PNLIP: variants seen among roughly 807,000 people sequenced by gnomAD.
PNLIP encodes the protein pancreatic lipase, also known as pancreatic triacylglycerol lipase.
A neutral mutation model predicts 57.1 loss-of-function variants in PNLIP; 49 were observed. The ratio of observed to expected loss-of-function variants is 0.86; its 90% confidence interval spans 0.68 to 1.09. PNLIP has a LOEUF of 1.09. PNLIP is among the 50% of genes least tolerant of loss of function. PNLIP has a pLI of 0.00. For synonymous variants in PNLIP, 209 were observed against 200.4 expected (o/e 1.04, Z -0.36); for missense variants, 503 against 570.2 (o/e 0.88, Z 1.20).
In PNLIP at chr10:116,561,389, A is replaced by C. The variant is rs1469694514; in HGVS notation, c.1170-83A>C. ...AACATAAATGTGTATGTATATATGTACACACTTACATACACACAAATATAT... is the reference window on the plus strand; with the variant it reads ...AACATAAATGTGTATGTATATATGTCCACACTTACATACACACAAATATAT... On this transcript the variant is annotated intron_variant, in intron 11 of 12. Transcript: ENST00000369221. 8.0e-6 allele frequency: 8 copies of C among 1,003,804 alleles called. No individual in the cohort carries two copies. The East Asian group carries it at 1.8e-4, about 22-fold the overall frequency. 62.2% of individuals were successfully genotyped at this position (1,003,804 alleles called of 1,614,324 possible).
chr10:116,553,735 C>G lies in PNLIP; in HGVS notation c.468C>G (p.Phe156Leu), dbSNP rs111790567. The G allele has an allele frequency of 1.2e-6, 2 of 1,608,716 alleles. No individual in the cohort carries two copies. The highest frequency in any genetic ancestry group is 4.5e-5 in the East Asian group (2 of 44,816). The change falls in exon 6 of 13, where the codon TTC (phenylalanine) becomes TTG (leucine). Residue 156 changes from phenylalanine (F) to leucine (L), a missense_variant. Physicochemically the swap from Phe to Leu is conservative, Grantham distance 22. Transcript: ENST00000369221. ...AYFVEFLQSAFGYSPSNVHVI... is the reference protein window; with the variant it reads ...AYFVEFLQSALGYSPSNVHVI... ...GGTTTTCTTTCCGACAGTCGGCGTT[C>G]GGTTACTCACCTTCCAATGTGCATG...
chr10:116,548,045 A>G (rs1419449792), intron 3 of PNLIP, among the ~76,000 whole-genome samples: 1 of 152,120 alleles, frequency 6.6e-6, no homozygotes, highest in East Asian at 1.9e-4. Context: ...ATGTATCTCT[A>G]CATAGATAAA....
In PNLIP at chr10:116,561,621, C is replaced by A. The variant is rs1367118676; in HGVS notation, c.1319C>A (p.Thr440Lys). 2 of 1,610,326 alleles carry A rather than the reference C, an allele frequency of 1.2e-6. No individual in the cohort carries two copies. The highest frequency in any genetic ancestry group is 2.2e-5 in the East Asian group (1 of 44,794). The change falls in exon 12 of 13, where the codon ACA becomes AAA. Residue 440 changes from threonine to lysine, a missense_variant. Physicochemically the swap from Thr to Lys is moderately conservative, Grantham distance 78. Coordinates refer to ENST00000369221, the MANE Select transcript of PNLIP (RefSeq NM_000936.4). Reference protein sequence around the residue: ...RVGASKIIVETNVGKQFNFCS... With the variant: ...RVGASKIIVEKNVGKQFNFCS... ...GGAGCATCCAAGATTATAGTGGAGACAAATGTTGGAAAACAGTAAGTAATG... is the reference window on the plus strand; with the variant it reads ...GGAGCATCCAAGATTATAGTGGAGAAAAATGTTGGAAAACAGTAAGTAATG...
intron 7 of PNLIP, 21 bp downstream of exon 7, chr10:116,555,318 C>T (rs1847241189): frequency 6.2e-7 from 1 of 1,614,158 alleles, no homozygotes; most frequent in Non-Finnish European, 8.5e-7. Context: ...CAACCCGTCC[C>T]CCAAAGGGTG....
At chr10:116,549,915 T>A (rs1197711380) in intron 4 of PNLIP, among the ~76,000 whole-genome samples, 5 of 152,156 alleles carry the variant, frequency 3.3e-5, no homozygotes, top group African/African-American at 1.2e-4. Context: ...ACTAGAAGGA[T>A]AAAGGTTCTA....
chr10:116,560,119 G>A (rs192806834), intron 10 of PNLIP, among the ~76,000 whole-genome samples: 43 of 151,896 alleles, frequency 2.8e-4, no homozygotes, highest in African/African-American at 9.9e-4. Context: ...AGGATAAATT[G>A]TCAGGTTGGA....
rs538296577 is a variant in PNLIP at position 116,562,950 on chromosome 10, T to A, written c.1334+1314T>A. ...CAAGAATATTTATAAAGATCCAGAA[T>A]TATCAAGTACCTAAAACTCTAAAAT... On this transcript the variant is annotated intron_variant, in intron 12 of 12. Transcript: ENST00000369221. 8.5e-4 allele frequency among the ~76,000 whole-genome samples: 129 copies of A among 152,296 alleles called. No individual in the cohort carries two copies. In the Middle Eastern group the frequency reaches 0.01, roughly 12 times the overall value.
At chr10:116,553,017 T>C (rs966315364) in intron 5 of PNLIP, among the ~76,000 whole-genome samples, 1 of 152,262 alleles carries the variant, frequency 6.6e-6, no homozygotes, top group Non-Finnish European at 1.5e-5. Context: ...TTACATTGCT[T>C]ACCACTTACT....
chr10:116,566,275 C>T (rs538742599), intron 12 of PNLIP, among the ~76,000 whole-genome samples: 181 of 152,264 alleles, frequency 1.2e-3, no homozygotes, highest in Non-Finnish European at 2.3e-3. Context: ...GGATGAATCT[C>T]GAGATAATTA....
intron 12 of PNLIP, 120 bp downstream of exon 12, chr10:116,561,756 G>A: frequency 1.2e-6 from 1 of 814,768 alleles, no homozygotes; most frequent in Non-Finnish European, 1.9e-6. Flanking sequence ...CCTAGTTGCA[G>A]TTGCTTCCTA....
Position 116,556,643 on chromosome 10 carries a change from G to A in PNLIP, c.930+525G>A, listed in dbSNP as rs1032419581. Among the ~76,000 whole-genome samples the A allele has an allele frequency of 2.0e-5, 3 of 151,288 alleles. No individual in the cohort carries two copies. In the East Asian group the frequency reaches 5.8e-4, roughly 29 times the overall value. ...ATACTAGTGCAGAACGTGCAGGTTT[G>A]TTACATAGGTAAATGTGTGCTGTAG... On this transcript the variant is annotated intron_variant, in intron 9 of 12. Coordinates refer to ENST00000369221, the MANE Select transcript of PNLIP (RefSeq NM_000936.4).
chr10:116,555,616 C>A, intron 8 of PNLIP, 109 bp downstream of exon 8: 2 of 1,228,068 alleles, frequency 1.6e-6, no homozygotes, highest in South Asian at 1.5e-5. Flanking sequence ...TTTTACATAA[C>A]AAAAGACTTT....
intron 3 of PNLIP, among the ~76,000 whole-genome samples, chr10:116,547,810 G>C (rs1245810649): frequency 6.7e-6 from 1 of 150,042 alleles, no homozygotes. Flanking sequence ...AAGTTCTTAA[G>C]AGAAAAAAAT....
intron 9 of PNLIP, 102 bp from the exon 10 acceptor site, chr10:116,559,051 CA>C: frequency 7.1e-7 from 1 of 1,405,316 alleles, no homozygotes; most frequent in Non-Finnish European, 9.6e-7. Context: ...ATCATCAGAA[CA>C]GAACTGGCTT....
chr10:116,565,166 C>G (rs1847351669), intron 12 of PNLIP, among the ~76,000 whole-genome samples: 1 of 134,520 alleles, frequency 7.4e-6, no homozygotes, highest in Non-Finnish European at 1.5e-5. Flanking sequence ...AGGAGAATGG[C>G]GTGAACCCGG....
chr10:116,546,274 G>A, intron 2 of PNLIP, 136 bp downstream of exon 2: 1 of 734,072 alleles, frequency 1.4e-6, no homozygotes, highest in Non-Finnish European at 2.4e-6. Flanking sequence ...AGACGCATAA[G>A]AGCACAGGTA....
intron 11 of PNLIP, 77 bp downstream of exon 11, chr10:116,560,601 G>A (rs1847305467): frequency 1.5e-6 from 1 of 656,398 alleles, no homozygotes; most frequent in Non-Finnish European, 2.5e-6. Flanking sequence ...CGCCGGGGCT[G>A]GAGTCTTGCT....
At chr10:116,550,346 C>A (rs1413092317) in intron 4 of PNLIP, among the ~76,000 whole-genome samples, 1 of 150,850 alleles carries the variant, frequency 6.6e-6, no homozygotes, top group Non-Finnish European at 1.5e-5. Flanking sequence ...GCGTGACCAC[C>A]GCACCTGGCC....
Position 116,555,190 on chromosome 10 carries a change from C to G in PNLIP, c.584C>G (p.Ala195Gly). 6.2e-7 allele frequency: 1 copy of G among 1,614,146 alleles called. No individual in the cohort carries two copies. The highest frequency in any genetic ancestry group is 8.5e-7 in the Non-Finnish European group (1 of 1,179,998). Residue 195 changes from alanine to glycine, a missense_variant, in exon 7 of 13, where the codon GCA (alanine) becomes GGA (glycine). Ala to Gly is a moderately conservative substitution (Grantham distance 60, BLOSUM62 0). Coordinates refer to ENST00000369221, the MANE Select transcript of PNLIP (RefSeq NM_000936.4). ...CTCTTTACTTTAGGGTTGGACCCAG[C>G]AGAACCTTGCTTTCAGGGCACACCT... ...TIGRITGLDP[A>G]EPCFQGTPEL...
Sources: allele counts gnomAD v4.1 joint callset (sites outside exome capture counted in the v4.1 genomes callset), GRCh38; gene constraint gnomAD v4.1.1; transcripts MANE v1.5; gene names NCBI Gene and HGNC (gene_info 2026-07-23, HGNC 2026-07-21).